The following ZNF423 variants were observed in gnomAD, a reference collection of about 807,000 sequenced individuals.
ZNF423 encodes the protein zinc finger protein 423.
ZNF423 carries 12 observed loss-of-function variants against 95.8 expected under a neutral mutation model. The ratio of observed to expected loss-of-function variants is 0.13; its 90% CI spans 0.08 to 0.20. The LOEUF is 0.20. Ranked by LOEUF, ZNF423 falls within the 10% of genes least tolerant of loss-of-function variation. The pLI is 1.00. For missense variants in ZNF423, 1,316 were observed against 1,737.1 expected (o/e 0.76, Z 4.31); for synonymous variants, 749 against 711.9 (o/e 1.05, Z -0.83).
chr16:49,669,678 C>G (rs78503695), intron 3 of ZNF423, among the ~76,000 whole-genome samples: 2,415 of 152,318 alleles, frequency 0.016, 63 homozygotes, highest in African/African-American at 0.055. Flanking sequence ...AGAAGAGAAC[C>G]ACATGAAAAA....
chr16:49,542,921 T>C (rs1043582477), intron 5 of ZNF423, among the ~76,000 whole-genome samples: 1 of 151,940 alleles, frequency 6.6e-6, no homozygotes, highest in African/African-American at 2.4e-5. Context: ...CAGCGAGAGG[T>C]TCTGTCTGCA....
Position 49,643,217 on chromosome 16 carries a change from C to T in ZNF423, c.302-4343G>A, listed in dbSNP as rs561985541. ...ACTGTGGCCAAGGCAATCCCAAAGT[C>T]CCCTCCAACATGAACATTCCAGAAT... On this transcript the variant is annotated intron_variant, in intron 3 of 7. Transcript: ENST00000563137. 1.4e-3 allele frequency among the ~76,000 whole-genome samples: 214 copies of T among 152,194 alleles called. 1 individual carries two copies. Among genetic ancestry groups the T allele is most frequent in the African/African-American group, 4.8e-3 (200 of 41,514 alleles).
At chr16:49,762,245 C>A (rs890983769) in intron 2 of ZNF423, among the ~76,000 whole-genome samples, 3 of 152,182 alleles carry the variant, frequency 2.0e-5, no homozygotes, top group African/African-American at 7.2e-5. Context: ...ATCTCAATCC[C>A]CACACCAGGT....
intron 3 of ZNF423, among the ~76,000 whole-genome samples, chr16:49,689,278 C>CAAA (rs150078202): frequency 2.1e-5 from 3 of 140,722 alleles, no homozygotes; most frequent in Admixed American, 7.0e-5. Context: ...CCCATCTCTA[C>CAAA]AAAAAAAAAA....
At chr16:49,494,060 A>G (rs142632730) in intron 7 of ZNF423, among the ~76,000 whole-genome samples, 124 of 152,344 alleles carry the variant, frequency 8.1e-4, no homozygotes, top group African/African-American at 2.8e-3. Context: ...CAGGATGCCA[A>G]GAACAGGCTC....
rs1455163436 is a variant in ZNF423, at chr16:49,637,860, G to C, written c.1316C>G (p.Thr439Ser). 9 of 1,614,212 alleles carry C rather than the reference G, an allele frequency of 5.6e-6. No individual in the cohort carries two copies. The highest frequency in any genetic ancestry group is 7.6e-6 in the Non-Finnish European group (9 of 1,180,050). ...CTGCTGGGGCTTGTCCGCGTGGATGGTCTTCAGGTGGATCTCCAGCACGGC... is the reference window on the plus strand; with the variant it reads ...CTGCTGGGGCTTGTCCGCGTGGATGCTCTTCAGGTGGATCTCCAGCACGGC... ...SLAVLEIHLK[T>S]IHADKPQQSH... The change falls in exon 4 of 8, where the codon ACC becomes AGC. Residue 439 changes from threonine to serine, a missense_variant. Transcript: ENST00000563137. This position sits in a 1 kb window ranked among gnomAD's most constrained non-coding sequence, Gnocchi z 5.6.
At position 49,504,538 on chromosome 16, in the gene ZNF423, T is replaced by G. The variant is rs778308151; in HGVS notation, c.3850-13234A>C. 2.6e-4 allele frequency among the ~76,000 whole-genome samples: 39 copies of G among 152,156 alleles called. 1 individual carries two copies. The highest frequency in any genetic ancestry group is 1.5e-5 in the Non-Finnish European group (1 of 68,030). ...CGGAGGTTGCAATGAGCTGAGATTGTGCCACTGCACTCCAGCCTGGGTGAC... is the reference window on the plus strand; with the variant it reads ...CGGAGGTTGCAATGAGCTGAGATTGGGCCACTGCACTCCAGCCTGGGTGAC... On this transcript the variant is annotated intron_variant, in intron 7 of 7. Coordinates refer to ENST00000563137, the MANE Select transcript of ZNF423 (RefSeq NM_001379286.1).
At chr16:49,517,677 CTT>C (rs113365526) in intron 7 of ZNF423, 2,241 of 217,016 alleles carry the variant, frequency 0.01, 58 homozygotes, top group African/African-American at 0.05. Context: ...TGAGAGAAAA[CTT>C]TTTTTTTTTC....
chr16:49,718,588 A>G (rs2032775978), intron 3 of ZNF423, among the ~76,000 whole-genome samples: 1 of 152,218 alleles, frequency 6.6e-6, no homozygotes, highest in Non-Finnish European at 1.5e-5. Context: ...TCAGGCTCAT[A>G]TAACAACAAT....
At chr16:49,510,922 G>A (rs758868585) in intron 7 of ZNF423, among the ~76,000 whole-genome samples, 97 of 152,334 alleles carry the variant, frequency 6.4e-4, no homozygotes, top group African/African-American at 2.1e-3. Context: ...ATGGCATGGT[G>A]CCCTCTAAAG....
chr16:49,524,545 G>A (rs747063170), intron 6 of ZNF423, among the ~76,000 whole-genome samples: 2 of 152,180 alleles, frequency 1.3e-5, no homozygotes, highest in Non-Finnish European at 2.9e-5. Context: ...TTGCCCCAGA[G>A]TGGACACCCC....
intron 3 of ZNF423, among the ~76,000 whole-genome samples, chr16:49,720,182 G>A (rs1306581397): frequency 6.6e-6 from 1 of 152,242 alleles, no homozygotes; most frequent in African/African-American, 2.4e-5. Flanking sequence ...CTTCTATGAA[G>A]TTTGTTAGAA....
intron 5 of ZNF423, among the ~76,000 whole-genome samples, chr16:49,575,368 A>T (rs747818874): frequency 6.6e-6 from 1 of 152,056 alleles, no homozygotes; most frequent in Non-Finnish European, 1.5e-5. Context: ...GCTCCACTAA[A>T]CAAGCCCAAC....
intron 7 of ZNF423, among the ~76,000 whole-genome samples, chr16:49,520,268 T>G (rs1668559343): frequency 6.6e-6 from 1 of 152,228 alleles, no homozygotes; most frequent in South Asian, 2.1e-4. Flanking sequence ...ATGTTCCTAA[T>G]TATTCGGTTG....
At chr16:49,516,387 A>G (rs1292982987) in intron 7 of ZNF423, among the ~76,000 whole-genome samples, 1 of 152,226 alleles carries the variant, frequency 6.6e-6, no homozygotes, top group Non-Finnish European at 1.5e-5. Context: ...CCAGAAGTCA[A>G]TGTCAATAAT....
At chr16:49,533,642 C>T (rs1034889061) in intron 5 of ZNF423, among the ~76,000 whole-genome samples, 3 of 152,194 alleles carry the variant, frequency 2.0e-5, no homozygotes, top group Non-Finnish European at 2.9e-5. Context: ...GGACGGCCCC[C>T]GACTAGCCCT....
At chr16:49,802,417 T>C (rs2034596834) in intron 1 of ZNF423, among the ~76,000 whole-genome samples, 1 of 152,194 alleles carries the variant, frequency 6.6e-6, no homozygotes, top group African/African-American at 2.4e-5. Context: ...GGTCAATGTC[T>C]AACAGGGGGC....
intron 3 of ZNF423, 42 bp downstream of exon 3, chr16:49,730,729 C>T: frequency 1.9e-6 from 3 of 1,606,118 alleles, no homozygotes; most frequent in Non-Finnish European, 1.7e-6. Flanking sequence ...TCCAATTACC[C>T]GTGTAACCAC....
chr16:49,782,475 C>T (rs1020519430), intron 2 of ZNF423, among the ~76,000 whole-genome samples: 4 of 152,228 alleles, frequency 2.6e-5, no homozygotes, highest in Admixed American at 2.6e-4. Flanking sequence ...GCAGGAAAGC[C>T]TAAAAGTCTG....
Sources: gnomAD v4.1 joint callset for allele counts (sites outside exome capture counted in the v4.1 genomes callset) on GRCh38, gnomAD v4.1.1 for gene constraint, Gnocchi (gnomAD v3.1) non-coding constraint, MANE v1.5 for transcripts, NCBI Gene and HGNC (gene_info 2026-07-23, HGNC 2026-07-21) for gene names.